DPP6: variants seen among roughly 807,000 people sequenced by gnomAD.
DPP6 encodes the protein A-type potassium channel modulatory protein DPP6.
Under a neutral mutation model 122.6 loss-of-function variants are expected in DPP6, and 69 were observed. The observed-to-expected ratio is 0.56, with a 90% CI of 0.46 to 0.69. The LOEUF is 0.69. Among genes scored for constraint, DPP6 ranks in the 30% least tolerant of loss-of-function variants. The pLI, the probability that DPP6 is intolerant of heterozygous loss-of-function variation, is 0.00. For missense variants in DPP6, 928 were observed against 1,116.9 expected (o/e 0.83, Z 2.41); for synonymous variants, 418 against 433.1 (o/e 0.97, Z 0.43).
chr7:153,751,354 T>C, the DPP6 span, among the ~76,000 whole-genome samples: 1 of 151,896 alleles, frequency 6.6e-6, no homozygotes, highest in Admixed American at 6.6e-5. Context: ...TTGAGCAACA[T>C]TGGTTGTCTC....
intron 10 of DPP6, among the ~76,000 whole-genome samples, chr7:154,787,005 A>C (rs1797378143): frequency 6.6e-6 from 1 of 152,188 alleles, no homozygotes; most frequent in Non-Finnish European, 1.5e-5. Flanking sequence ...GTCTTCCAGA[A>C]ACATGAAATC....
intron 1 of DPP6, among the ~76,000 whole-genome samples, chr7:154,356,578 C>A (rs1418269484): frequency 6.6e-6 from 1 of 151,458 alleles, no homozygotes; most frequent in East Asian, 1.9e-4. Context: ...CCAACCCCCC[C>A]ACCAAAAAAA....
intron 3 of DPP6, among the ~76,000 whole-genome samples, chr7:154,538,091 A>C (rs1220688000): frequency 2.6e-5 from 4 of 152,192 alleles, no homozygotes; most frequent in Non-Finnish European, 2.9e-5. Flanking sequence ...ATATGTGATA[A>C]AACTGTTAAA....
chr7:154,656,688 G>GT (rs1837275976), intron 6 of DPP6, among the ~76,000 whole-genome samples: 1 of 152,162 alleles, frequency 6.6e-6, no homozygotes, highest in South Asian at 2.1e-4. Flanking sequence ...GCTGATGATG[G>GT]GTTAGAGGCT....
intron 3 of DPP6, among the ~76,000 whole-genome samples, chr7:154,498,114 A>G (rs1349182558): frequency 3.3e-5 from 5 of 152,366 alleles, no homozygotes; most frequent in African/African-American, 1.2e-4. Flanking sequence ...ATCTGAACTG[A>G]CATGGTGCTT....
At chr7:154,865,095 G>A (rs4960561) in intron 17 of DPP6, among the ~76,000 whole-genome samples, 13,853 of 152,196 alleles carry the variant, frequency 0.091, 1,431 homozygotes, top group African/African-American at 0.25. Context: ...CTCTCAGTTT[G>A]AGATTTGGCC....
At chr7:154,885,042 T>C (rs4960640) in intron 21 of DPP6, 5,912 of 152,748 alleles carry the variant, frequency 0.039, 148 homozygotes, top group East Asian at 0.061. Context: ...TTGAAGGCAC[T>C]GAGCAGGCAA....
chr7:154,771,380 C>T (rs1187177630), intron 9 of DPP6, among the ~76,000 whole-genome samples: 1 of 152,228 alleles, frequency 6.6e-6, no homozygotes, highest in Non-Finnish European at 1.5e-5. Flanking sequence ...TCCTGGCTTG[C>T]AGACAGCCGC....
chr7:154,617,997 C>T (rs1038302597), intron 5 of DPP6, among the ~76,000 whole-genome samples: 4 of 152,088 alleles, frequency 2.6e-5, no homozygotes, highest in Non-Finnish European at 5.9e-5. Flanking sequence ...GGGCTGCAGA[C>T]CCGGGACTCA....
chr7:153,849,656 C>T, the DPP6 span, among the ~76,000 whole-genome samples: 3 of 151,998 alleles, frequency 2.0e-5, no homozygotes, highest in Non-Finnish European at 1.5e-5. Flanking sequence ...CCATGTGTTT[C>T]AAGGCTGGGT....
chr7:154,514,894 G>A (rs1826366725), intron 3 of DPP6, among the ~76,000 whole-genome samples: 1 of 152,150 alleles, frequency 6.6e-6, no homozygotes, highest in African/African-American at 2.4e-5. Flanking sequence ...CTTCTTTTAA[G>A]TCTATGCCTA....
At chr7:154,299,226 G>A (rs918534468) in intron 1 of DPP6, among the ~76,000 whole-genome samples, 15 of 152,174 alleles carry the variant, frequency 9.9e-5, no homozygotes, top group Admixed American at 2.6e-4. Context: ...GGTTGCCCAC[G>A]GCTCCTTGCC....
intron 6 of DPP6, among the ~76,000 whole-genome samples, chr7:154,647,783 A>T (rs1387181): frequency 0.13 from 20,253 of 152,202 alleles, 1,727 homozygotes; most frequent in African/African-American, 0.24. Flanking sequence ...TGTGCTGGTG[A>T]ATCAGCACGC....
chr7:154,445,556 A>C (rs1413207508), intron 1 of DPP6, among the ~76,000 whole-genome samples: 1 of 152,122 alleles, frequency 6.6e-6, no homozygotes, highest in East Asian at 1.9e-4. Flanking sequence ...GCTGCAGTGC[A>C]AGAGGGTTCT....
intron 1 of DPP6, among the ~76,000 whole-genome samples, chr7:154,303,122 C>T (rs572282370): frequency 6.6e-5 from 10 of 152,350 alleles, no homozygotes; most frequent in African/African-American, 2.2e-4. Context: ...GCTGGGATTA[C>T]AGGCATGCGC....
chr7:154,498,965 A>G (rs866798873), intron 3 of DPP6, among the ~76,000 whole-genome samples: 34 of 152,194 alleles, frequency 2.2e-4, no homozygotes, highest in South Asian at 6.2e-4. Context: ...TTAGATTCAC[A>G]AAAGAAAAGT....
At chr7:153,791,424 C>CTTTTT in the DPP6 span, among the ~76,000 whole-genome samples, 5,090 of 91,412 alleles carry the variant, frequency 0.056, 532 homozygotes, top group Middle Eastern at 0.088. Flanking sequence ...TCCTTCCTTT[C>CTTTTT]TTTTTTTTTT....
intron 1 of DPP6, among the ~76,000 whole-genome samples, chr7:154,206,500 T>C (rs1799456555): frequency 6.6e-6 from 1 of 152,142 alleles, no homozygotes. Flanking sequence ...AAAGCAACCT[T>C]TTCACGTACC....
intron 1 of DPP6, among the ~76,000 whole-genome samples, chr7:154,168,277 C>T (rs911061052): frequency 2.0e-5 from 3 of 152,232 alleles, no homozygotes; most frequent in African/African-American, 7.2e-5. Context: ...GAAAGATGCA[C>T]GGGATCAATA....
Sources: gnomAD v4.1 joint callset for allele counts (sites outside exome capture counted in the v4.1 genomes callset) on GRCh38, gnomAD v4.1.1 for gene constraint, MANE v1.5 for transcripts, NCBI Gene and HGNC (gene_info 2026-07-23, HGNC 2026-07-21) for gene names.